The following MND1 variants were observed in gnomAD, a reference collection of about 807,000 sequenced individuals.
The protein encoded by MND1 is meiotic nuclear division protein 1 homolog.
In MND1, 28 loss-of-function variants were observed where a neutral mutation model predicts 35.1. The ratio of observed to expected loss-of-function variants is 0.80; its 90% CI spans 0.59 to 1.09. MND1 has a LOEUF of 1.09. Ranked by LOEUF, MND1 falls within the 50% of genes least tolerant of loss-of-function variation. The pLI is 0.00. For synonymous variants in MND1, 69 were observed against 70.5 expected, an observed-to-expected ratio of 0.98 and a Z score of 0.11; for missense variants, 213 against 239.6, an observed-to-expected ratio of 0.89 and a Z score of 0.73.
intron 6 of MND1, among the ~76,000 whole-genome samples, chr4:153,406,477 GTACCA>G (rs1313609686): frequency 6.6e-6 from 1 of 151,954 alleles, no homozygotes; most frequent in Non-Finnish European, 1.5e-5. Context: ...AGCCAAGATT[GTACCA>G]CTGCACTCCA....
At chr4:153,360,608 A>ATG (rs1281996399) in intron 4 of MND1, among the ~76,000 whole-genome samples, 2 of 148,080 alleles carry the variant, frequency 1.4e-5, no homozygotes, top group Non-Finnish European at 3.0e-5. Flanking sequence ...GTGTGTGTGT[A>ATG]TATATATATA....
chr4:153,376,100 A>C, intron 4 of MND1, among the ~76,000 whole-genome samples: 1 of 152,318 alleles, frequency 6.6e-6, no homozygotes, highest in Middle Eastern at 3.4e-3. Flanking sequence ...AATAATTATA[A>C]AGATTAATTA....
rs191671804 is a variant in MND1 at position 153,409,762 on chromosome 4, G to A, written c.511+747G>A. Among the ~76,000 whole-genome samples, 223 of 149,882 alleles carry A rather than the reference G, an allele frequency of 1.5e-3. 3 individuals carry two copies. The highest frequency in any genetic ancestry group is 1.7e-3 in the South Asian group (8 of 4,646). ...GTAAAATCAATATAATTGGCCTTTC[G>A]GATTTTTTTTTTCTGAAATTGCAGT... On this transcript the variant is annotated intron_variant, in intron 7 of 7. Coordinates refer to ENST00000240488, the MANE Select transcript of MND1 (RefSeq NM_032117.4).
chr4:153,403,356 C>T (rs1729395969), intron 6 of MND1, among the ~76,000 whole-genome samples: 1 of 152,194 alleles, frequency 6.6e-6, no homozygotes, highest in Non-Finnish European at 1.5e-5. Flanking sequence ...TGTCGCAGCA[C>T]ATGCAAACCC....
intron 4 of MND1, among the ~76,000 whole-genome samples, chr4:153,383,326 A>C (rs1197152064): frequency 6.6e-6 from 1 of 152,190 alleles, no homozygotes; most frequent in Non-Finnish European, 1.5e-5. Context: ...TGAGAGGTGG[A>C]ATGTTGGGTA....
At chr4:153,372,377 GA>G (rs1258705780) in intron 4 of MND1, among the ~76,000 whole-genome samples, 2 of 151,038 alleles carry the variant, frequency 1.3e-5, no homozygotes, top group Non-Finnish European at 2.9e-5. Context: ...GATATCATAG[GA>G]TTTTTTTTAA....
chr4:153,376,396 A>T (rs1405298167), intron 4 of MND1, among the ~76,000 whole-genome samples: 1 of 152,172 alleles, frequency 6.6e-6, no homozygotes, highest in Non-Finnish European at 1.5e-5. Context: ...GTGTAAGGAT[A>T]GGTTCTTCCC....
At position 153,390,915 on chromosome 4, in the gene MND1, GTA is replaced by G. The variant is rs1410224394; in HGVS notation, c.277-3343_277-3342del. ...TGTGTGTGTGTGTGTGTGTGTGTGT[GTA>G]TATGTGTGTGTGTGTGTGTGTGTGT... On this transcript the variant is annotated intron_variant, in intron 4 of 7. Transcript: ENST00000240488. 5.8e-3 allele frequency among the ~76,000 whole-genome samples: 736 copies of G among 127,832 alleles called. 7 individuals are homozygous for G. The highest frequency in any genetic ancestry group is 0.023 in the African/African-American group (681 of 29,000). 83.9% of individuals were successfully genotyped at this position (127,832 alleles called of 152,430 possible). A position where few individuals can be genotyped will look rare whatever the true frequency, so the allele number is the denominator to read the frequency against.
At chr4:153,357,711 G>A (rs1279613572) in intron 3 of MND1, among the ~76,000 whole-genome samples, 2 of 152,100 alleles carry the variant, frequency 1.3e-5, no homozygotes, top group African/African-American at 4.8e-5. Flanking sequence ...GTAGGTAATG[G>A]AATCTCAACT....
intron 4 of MND1, among the ~76,000 whole-genome samples, chr4:153,360,752 CAT>C (rs921924766): frequency 3.4e-5 from 5 of 147,120 alleles, no homozygotes; most frequent in African/African-American, 1.0e-4. Context: ...TGTATATACA[CAT>C]ATATACACAC....
intron 6 of MND1, among the ~76,000 whole-genome samples, chr4:153,401,151 C>T (rs764811141): frequency 5.3e-5 from 8 of 152,126 alleles, no homozygotes; most frequent in Non-Finnish European, 1.0e-4. Context: ...GCCTGTAATT[C>T]CAGCACTTTG....
intron 4 of MND1, among the ~76,000 whole-genome samples, chr4:153,368,964 C>T (rs892961821): frequency 6.6e-6 from 1 of 152,202 alleles, no homozygotes; most frequent in African/African-American, 2.4e-5. Context: ...TCGTGAATCC[C>T]AGCATGGCTT....
chr4:153,386,695 G>A (rs958821472), intron 4 of MND1, among the ~76,000 whole-genome samples: 7 of 151,982 alleles, frequency 4.6e-5, no homozygotes, highest in African/African-American at 1.5e-4. Flanking sequence ...CAGCTTGGGC[G>A]ACAGAGCAAG....
chr4:153,394,106 C>T (rs572336366), intron 4 of MND1, among the ~76,000 whole-genome samples, 156 bp from the exon 5 acceptor site: 3 of 151,794 alleles, frequency 2.0e-5, no homozygotes, highest in South Asian at 2.1e-4. Context: ...CCGTGTTGGC[C>T]AGGATGGTCT....
intron 3 of MND1, chr4:153,355,958 A>G: frequency 2.7e-6 from 1 of 372,514 alleles, no homozygotes; most frequent in Non-Finnish European, 4.8e-6. Context: ...ATATCCTTTT[A>G]TAACATAAAT....
intron 7 of MND1, among the ~76,000 whole-genome samples, chr4:153,412,261 G>GA (rs1729703164): frequency 6.6e-6 from 1 of 152,068 alleles, no homozygotes; most frequent in Non-Finnish European, 1.5e-5. Flanking sequence ...AACTTCCATA[G>GA]AAAAAATATT....
chr4:153,368,466 G>T (rs1384340249), intron 4 of MND1, among the ~76,000 whole-genome samples: 2 of 152,136 alleles, frequency 1.3e-5, no homozygotes, highest in African/African-American at 4.8e-5. Flanking sequence ...AGACTCCCTG[G>T]CAACTAATGG....
intron 6 of MND1, among the ~76,000 whole-genome samples, chr4:153,397,948 A>G (rs1729245110): frequency 6.6e-6 from 1 of 152,226 alleles, no homozygotes; most frequent in South Asian, 2.1e-4. Context: ...TAGAGAACTG[A>G]GGAGTTAGTA....
chr4:153,344,952 G>A (rs1333887444), intron 1 of MND1, among the ~76,000 whole-genome samples: 1 of 152,160 alleles, frequency 6.6e-6, no homozygotes, highest in African/African-American at 2.4e-5. Context: ...CTCCTGTCCG[G>A]AGTCCCGAGG....
Sources: gnomAD v4.1 joint callset for allele counts (sites outside exome capture counted in the v4.1 genomes callset) on GRCh38, gnomAD v4.1.1 for gene constraint, MANE v1.5 for transcripts, NCBI Gene and HGNC (gene_info 2026-07-23, HGNC 2026-07-21) for gene names.